The following AKR1C3 variants were observed in gnomAD, a reference collection of about 807,000 sequenced individuals.
The protein encoded by AKR1C3 is aldo-keto reductase family 1 member C3.
In AKR1C3, 48 loss-of-function variants were observed where a neutral mutation model predicts 43.6. The ratio of observed to expected loss-of-function variants is 1.10; its 90% CI spans 0.87 to 1.40. The LOEUF (loss-of-function observed/expected upper bound fraction) is 1.40. Ranked by LOEUF, AKR1C3 falls within the 40% of genes most tolerant of loss-of-function variation. AKR1C3 has a pLI of 0.00. For missense variants in AKR1C3, 482 were observed against 391.2 expected, an observed-to-expected ratio of 1.23 and a Z score of -1.96; for synonymous variants, 162 against 139.6, an observed-to-expected ratio of 1.16 and a Z score of -1.13.
At chr10:5,082,767 CTG>C (rs1838864393) in intron 1 of AKR1C3, among the ~76,000 whole-genome samples, 1 of 151,982 alleles carries the variant, frequency 6.6e-6, no homozygotes, top group Non-Finnish European at 1.5e-5. Flanking sequence ...TTTTTCTGTT[CTG>C]TTTTTGCCTG....
intron 8 of AKR1C3, among the ~76,000 whole-genome samples, chr10:5,106,812 G>A (rs1839512227): frequency 1.4e-5 from 2 of 147,540 alleles, no homozygotes; most frequent in South Asian, 4.1e-4. Flanking sequence ...ACAAGTGATA[G>A]GGTGAGATAG....
At chr10:5,082,668 T>C (rs778199733) in intron 1 of AKR1C3, among the ~76,000 whole-genome samples, 1 of 152,192 alleles carries the variant, frequency 6.6e-6, no homozygotes, top group East Asian at 1.9e-4. Context: ...ACGAATTATC[T>C]TTTTGATGTG....
upstream of AKR1C3, chr10:5,048,808 A>C: frequency 6.2e-7 from 1 of 1,613,362 alleles, no homozygotes; most frequent in Non-Finnish European, 8.5e-7. Context: ...GCTGAGTGAC[A>C]GTGATGGATT....
chr10:5,067,798 A>G (rs1187062717), intron 1 of AKR1C3, among the ~76,000 whole-genome samples: 2 of 152,194 alleles, frequency 1.3e-5, no homozygotes, highest in Non-Finnish European at 2.9e-5. Context: ...GGATTATTTT[A>G]TCTTTTCCAT....
At chr10:5,106,356 A>ATTGT (rs1394891728) in intron 8 of AKR1C3, among the ~76,000 whole-genome samples, 1 of 152,116 alleles carries the variant, frequency 6.6e-6, no homozygotes, top group Non-Finnish European at 1.5e-5. Flanking sequence ...CAGAAGCTCC[A>ATTGT]TTGTTGTATA....
chr10:5,105,457 G>A, intron 7 of AKR1C3, 138 bp from the exon 8 acceptor site: 1 of 588,508 alleles, frequency 1.7e-6, no homozygotes, highest in African/African-American at 1.9e-5. Flanking sequence ...TGACCCACCT[G>A]AGTGTTTAGA....
intron 3 of AKR1C3, 35 bp from the exon 4 acceptor site, chr10:5,098,767 T>C (rs371622988): frequency 2.7e-4 from 423 of 1,581,772 alleles, no homozygotes; most frequent in Non-Finnish European, 3.5e-4. Flanking sequence ...AGAAATTAAT[T>C]TGTGACATCA....
intron 1 of AKR1C3, chr10:5,081,605 C>G (rs1482209750): frequency 1.3e-5 from 2 of 152,228 alleles, no homozygotes; most frequent in Non-Finnish European, 2.9e-5. Context: ...CCAACATTCT[C>G]AGGACTCCCA....
Position 5,107,542 on chromosome 10 carries a change from GTGTGGA to G in AKR1C3, c.*42_*47del. 2 of 1,497,102 alleles carry G rather than the reference GTGTGGA, an allele frequency of 1.3e-6. No homozygotes were observed. Among genetic ancestry groups the G allele is most frequent in the Non-Finnish European group, 1.9e-6 (2 of 1,076,754 alleles). The allele number at this position is 1,497,102 out of a possible 1,614,324, so 92.7% of individuals were successfully genotyped here. A position where few individuals can be genotyped will look rare whatever the true frequency, so the allele number is the denominator to read the frequency against. On this transcript the variant is annotated 3_prime_UTR_variant, in exon 9 of 9. Transcript: ENST00000380554. ...GCCTGATGTCTACCAGAAGCCCTGT[GTGTGGA>G]TGGTGACGCAGAGGACGTCTCTATG...
At chr10:5,096,672 T>G (rs1056872271) in intron 2 of AKR1C3, 95 bp downstream of exon 2, 1 of 1,466,262 alleles carries the variant, frequency 6.8e-7, no homozygotes, top group South Asian at 1.6e-5. Context: ...GTGGGTGAAT[T>G]TTGCTTCTGG....
Position 5,102,379 on chromosome 10 carries a change from C to A in AKR1C3, c.681-106C>A, listed in dbSNP as rs1839378442. ...TGCTGATGGTGATGCTCGGGGGCCT[C>A]GCTTGAGAAGCTCCGGTGCAGAGTG... On this transcript the variant is annotated intron_variant, in intron 6 of 8. Transcript: ENST00000380554. 2.5e-6 allele frequency: 4 copies of A among 1,584,028 alleles called. No individual in the cohort carries two copies. In the Admixed American group the frequency reaches 7.0e-5, roughly 28 times the overall value.
chr10:5,104,676 T>C (rs1839454379), intron 7 of AKR1C3, among the ~76,000 whole-genome samples: 1 of 152,150 alleles, frequency 6.6e-6, no homozygotes, highest in Non-Finnish European at 1.5e-5. Flanking sequence ...GAAGAGAACT[T>C]TTTGACAATA....
intron 1 of AKR1C3, chr10:5,080,722 ATCTGTGTC>A (rs1479732297): frequency 6.6e-6 from 1 of 152,264 alleles, no homozygotes; most frequent in Non-Finnish European, 1.5e-5. Context: ...GGAAGCCACT[ATCTGTGTC>A]TCACTTTCTT....
intron 5 of AKR1C3, among the ~76,000 whole-genome samples, chr10:5,101,357 T>A (rs891688986): frequency 1.3e-5 from 2 of 152,186 alleles, no homozygotes; most frequent in Non-Finnish European, 2.9e-5. Context: ...AGTTTTTAGA[T>A]AATCATTTTC....
chr10:5,078,860 C>G (rs926880660), intron 1 of AKR1C3, among the ~76,000 whole-genome samples: 1 of 152,196 alleles, frequency 6.6e-6, no homozygotes, highest in Non-Finnish European at 1.5e-5. Flanking sequence ...GCTTCAGATG[C>G]CTGGTCTGCA....
chr10:5,074,612 T>C (rs1029208535), intron 1 of AKR1C3, among the ~76,000 whole-genome samples: 29 of 152,210 alleles, frequency 1.9e-4, no homozygotes. Flanking sequence ...TGCAAGAAGA[T>C]TAAATTTTGG....
chr10:5,097,658 C>T (rs1207593526), intron 3 of AKR1C3, 108 bp downstream of exon 3: 6 of 1,586,182 alleles, frequency 3.8e-6, no homozygotes, highest in East Asian at 2.3e-5. Flanking sequence ...GGGATTATCA[C>T]ACAGAAGAAG....
chr10:5,101,423 C>T (rs1554785962), intron 5 of AKR1C3, among the ~76,000 whole-genome samples: 1 of 151,564 alleles, frequency 6.6e-6, no homozygotes, highest in African/African-American at 2.4e-5. Flanking sequence ...GAAAAAAAAT[C>T]CTTCACCAAA....
At chr10:5,105,752 T>C (rs964889668) in intron 8 of AKR1C3, 75 bp downstream of exon 8, 46 of 1,179,098 alleles carry the variant, frequency 3.9e-5, no homozygotes, top group Non-Finnish European at 5.7e-5. Flanking sequence ...GAGAGTGACC[T>C]CCATACCAGA....
Sources: gnomAD v4.1 joint callset for allele counts (sites outside exome capture counted in the v4.1 genomes callset) on GRCh38, gnomAD v4.1.1 for gene constraint, MANE v1.5 for transcripts, NCBI Gene and HGNC (gene_info 2026-07-23, HGNC 2026-07-21) for gene names.